The following SYAP1 variants were observed in gnomAD, a reference collection of about 807,000 sequenced individuals.
SYAP1 encodes synapse associated protein 1.
SYAP1 carries 3 observed loss-of-function variants against 29.6 expected under a neutral mutation model. The observed-to-expected ratio is 0.10, with a 90% CI of 0.05 to 0.26. SYAP1 has a LOEUF of 0.26. Among genes scored for constraint, SYAP1 ranks in the 10% least tolerant of loss-of-function variants. The pLI, the probability that SYAP1 is intolerant of heterozygous loss-of-function variation, is 1.00. For synonymous variants in SYAP1, 102 were observed against 102.7 expected (o/e 0.99, Z 0.04); for missense variants, 217 against 264.1 (o/e 0.82, Z 1.24).
rs756426424 is a variant in SYAP1, at chrX:16,743,620, C to A, written c.436-81C>A. Reference sequence around the variant, plus strand: ...CTGCACTCTAGCCTGGGTGACAACCCGTCTCAAAAAAAAAAAAAAATTGTT... The same window carrying A: ...CTGCACTCTAGCCTGGGTGACAACCAGTCTCAAAAAAAAAAAAAAATTGTT... On this transcript the variant is annotated intron_variant, in intron 4 of 8. Transcript: ENST00000380155. 149 of 984,995 alleles carry A rather than the reference C, an allele frequency of 1.5e-4. No individual in the cohort carries two copies. The Middle Eastern group carries it at 4.0e-3, about 27-fold the overall frequency. 81.2% of individuals were successfully genotyped at this position (984,995 alleles called of 1,213,427 possible). A position where few individuals can be genotyped will look rare whatever the true frequency, so the allele number is the denominator to read the frequency against.
intron 3 of SYAP1, among the ~76,000 whole-genome samples, chrX:16,736,941 G>A (rs760233251): frequency 2.0e-4 from 22 of 111,558 alleles, no homozygotes; most frequent in Non-Finnish European, 4.0e-4. Flanking sequence ...GCGAGTGACC[G>A]CACCTGCAGT....
chrX:16,723,591 C>G (rs1926014939), intron 1 of SYAP1, among the ~76,000 whole-genome samples: 1 of 111,401 alleles, frequency 9.0e-6, no homozygotes, highest in Non-Finnish European at 1.9e-5. Flanking sequence ...ATAGGAAGGT[C>G]CATTCCCACA....
chrX:16,756,751 T>C, intron 7 of SYAP1, 30 bp downstream of exon 7: 1 of 1,139,013 alleles, frequency 8.8e-7, no homozygotes, highest in East Asian at 3.0e-5. Flanking sequence ...TACCTAGTAG[T>C]TGATATCTGG....
chrX:16,745,691 G>A (rs1406028940), intron 5 of SYAP1, among the ~76,000 whole-genome samples: 3 of 105,233 alleles, frequency 2.9e-5, no homozygotes, highest in Admixed American at 2.1e-4. Flanking sequence ...CACCAAGATC[G>A]TACCATTTGC....
chrX:16,732,622 A>T (rs1304383333), intron 1 of SYAP1, among the ~76,000 whole-genome samples: 1 of 111,948 alleles, frequency 8.9e-6, no homozygotes, highest in Non-Finnish European at 1.9e-5. Context: ...GTACTGAAAC[A>T]GTTGTGATGA....
intron 5 of SYAP1, 53 bp from the exon 6 acceptor site, chrX:16,754,892 T>C (rs1926808984): frequency 6.9e-6 from 8 of 1,151,441 alleles, no homozygotes; most frequent in Non-Finnish European, 3.6e-6. Context: ...CTGCTTTTTA[T>C]TGATTTTCAA....
chrX:16,758,417 G>A (rs1926900774), intron 8 of SYAP1, among the ~76,000 whole-genome samples: 2 of 104,278 alleles, frequency 1.9e-5, no homozygotes, highest in Non-Finnish European at 3.9e-5. Flanking sequence ...GTGCAGTCAC[G>A]GCTCACTGCA....
rs938434615 is a variant in SYAP1, at chrX:16,762,126, T to G, written c.*1767T>G. On this transcript the variant is annotated 3_prime_UTR_variant, in exon 9 of 9. Coordinates refer to ENST00000380155, the MANE Select transcript of SYAP1 (RefSeq NM_032796.4). ...CTGGCAACTTCTGAAATAATCTCATTGAAGGAAAGAGTTTCATTTTTTTTT... is the reference window on the plus strand; with the variant it reads ...CTGGCAACTTCTGAAATAATCTCATGGAAGGAAAGAGTTTCATTTTTTTTT... 1.8e-5 allele frequency: 2 copies of G among 112,280 alleles called. No homozygotes were observed. Among genetic ancestry groups the G allele is most frequent in the African/African-American group, 3.2e-5 (1 of 30,924 alleles). The allele number at this position is 112,280 out of a possible 1,213,427, so 9.3% of individuals were successfully genotyped here. A position where few individuals can be genotyped will look rare whatever the true frequency, so the allele number is the denominator to read the frequency against.
chrX:16,744,089 A>C (rs770613084), intron 5 of SYAP1, among the ~76,000 whole-genome samples: 1 of 112,185 alleles, frequency 8.9e-6, no homozygotes, highest in Non-Finnish European at 1.9e-5. Flanking sequence ...CCCTACAGAA[A>C]CCACAAACAT....
At chrX:16,732,413 C>T (rs1275292492) in intron 1 of SYAP1, among the ~76,000 whole-genome samples, 1 of 96,520 alleles carries the variant, frequency 1.0e-5, no homozygotes, top group Non-Finnish European at 2.0e-5. Context: ...GACGGAGTCT[C>T]GCTCTGTCAC....
intron 5 of SYAP1, among the ~76,000 whole-genome samples, chrX:16,748,108 A>G (rs1387312462): frequency 3.6e-5 from 4 of 112,016 alleles, no homozygotes; most frequent in Non-Finnish European, 7.5e-5. Context: ...AAGAAAAAGA[A>G]ATGCTTGCTG....
chrX:16,725,053 C>A lies in SYAP1; in HGVS notation c.175+5154C>A, dbSNP rs962838942. Among the ~76,000 whole-genome samples, 3 of 112,324 alleles carry A rather than the reference C, an allele frequency of 2.7e-5. No homozygotes were observed. The Admixed American group carries it at 2.8e-4, about 11-fold the overall frequency. On this transcript the variant is annotated intron_variant, in intron 1 of 8. Transcript: ENST00000380155. ...GGACAAATCATTTTTCCTCTGTGAG[C>A]CTCAGCTTCCCTTTTTTTGAACTGG...
intron 4 of SYAP1, among the ~76,000 whole-genome samples, chrX:16,742,720 C>G (rs918501541): frequency 8.9e-6 from 1 of 111,906 alleles, no homozygotes; most frequent in Non-Finnish European, 1.9e-5. Flanking sequence ...CTCAAGTGAT[C>G]CTCCGGCCTT....
chrX:16,740,820 C>A (rs779262090), intron 3 of SYAP1, among the ~76,000 whole-genome samples: 14 of 111,646 alleles, frequency 1.3e-4, no homozygotes, highest in African/African-American at 4.5e-4. Context: ...CCAGTAATGT[C>A]CTTTATAACA....
intron 1 of SYAP1, among the ~76,000 whole-genome samples, chrX:16,722,741 C>T (rs1307739621): frequency 9.0e-6 from 1 of 110,773 alleles, no homozygotes; most frequent in Non-Finnish European, 1.9e-5. Context: ...CTTGGCCCTC[C>T]CTCCTGATAA....
intron 1 of SYAP1, among the ~76,000 whole-genome samples, chrX:16,723,545 C>G (rs1259073072): frequency 9.0e-6 from 1 of 111,307 alleles, no homozygotes; most frequent in Non-Finnish European, 1.9e-5. Flanking sequence ...CCTTCTAAGT[C>G]CTGTGCTCCC....
intron 1 of SYAP1, among the ~76,000 whole-genome samples, chrX:16,724,855 T>G (rs994197334): frequency 3.6e-5 from 4 of 112,286 alleles, no homozygotes; most frequent in Non-Finnish European, 7.5e-5. Flanking sequence ...TCAGCAAGTA[T>G]GTGGCAGAGA....
chrX:16,735,911 C>T (rs185020357), intron 2 of SYAP1, among the ~76,000 whole-genome samples: 2 of 112,803 alleles, frequency 1.8e-5, no homozygotes, highest in African/African-American at 6.4e-5. Flanking sequence ...AGGCATGAGC[C>T]ACCACGCCTG....
intron 8 of SYAP1, among the ~76,000 whole-genome samples, 156 bp downstream of exon 8, chrX:16,757,465 A>C (rs1281916747): frequency 1.8e-5 from 2 of 111,552 alleles, no homozygotes; most frequent in African/African-American, 6.5e-5. Flanking sequence ...TCACGCTTGT[A>C]ATCCTAGCAC....
Sources: allele counts gnomAD v4.1 joint callset (sites outside exome capture counted in the v4.1 genomes callset), GRCh38; gene constraint gnomAD v4.1.1; transcripts MANE v1.5; gene names NCBI Gene and HGNC (gene_info 2026-07-23, HGNC 2026-07-21).